USP47: variants seen among roughly 807,000 people sequenced by gnomAD.
USP47 encodes ubiquitin carboxyl-terminal hydrolase 47.
Under a neutral mutation model 165.1 loss-of-function variants are expected in USP47, and 35 were observed. The observed-to-expected ratio is 0.21, with a 90% CI of 0.16 to 0.28. The LOEUF (loss-of-function observed/expected upper bound fraction) is 0.28, where lower values mean the gene tolerates loss of function less well. Among genes scored for constraint, USP47 ranks in the 10% least tolerant of loss-of-function variants. The probability of loss-of-function intolerance (pLI) is 1.00; values close to 1 mark genes in which losing one functional copy is unlikely to be tolerated. For synonymous variants in USP47, 531 were observed against 544.5 expected, an observed-to-expected ratio of 0.98 and a Z score of 0.35; for missense variants, 1,277 against 1,607.4, an observed-to-expected ratio of 0.79 and a Z score of 3.52.
chr11:11,907,136 C>T (rs1042426052), intron 8 of USP47, among the ~76,000 whole-genome samples: 1 of 152,204 alleles, frequency 6.6e-6, no homozygotes, highest in Non-Finnish European at 1.5e-5. Flanking sequence ...TTTGCCACCA[C>T]TCTCTTAAGT....
At chr11:11,920,133 A>G in intron 8 of USP47, 23 bp from the exon 9 acceptor site, 1 of 1,538,898 alleles carries the variant, frequency 6.5e-7, no homozygotes, top group Middle Eastern at 1.7e-4. Flanking sequence ...AAGTAATTAT[A>G]AAACAAATTT....
At position 11,842,693 on chromosome 11, in the gene USP47, T is replaced by C. The variant is rs188718262; in HGVS notation, c.39+469T>C. ...AGATCTGTGGGAGGGCAGACTTAAC[T>C]GTTACGACTTTTTTCAACTCCTGTT... On this transcript the variant is annotated intron_variant, in intron 1 of 27. Coordinates refer to ENST00000527733, the MANE Select transcript of USP47 (RefSeq NM_001282659.2). Among the ~76,000 whole-genome samples, 425 of 152,314 alleles carry C rather than the reference T, an allele frequency of 2.8e-3. 2 individuals are homozygous for C. Among genetic ancestry groups the C allele is most frequent in the African/African-American group, 0.01 (416 of 41,562 alleles).
chr11:11,856,491 A>G (rs1022727791), intron 1 of USP47: 2 of 152,148 alleles, frequency 1.3e-5, no homozygotes, highest in South Asian at 4.1e-4. Flanking sequence ...TTTTCTACAT[A>G]TGAGTCTTTT....
At chr11:11,941,400 A>G (rs1026870911) in intron 19 of USP47, among the ~76,000 whole-genome samples, 3 of 152,086 alleles carry the variant, frequency 2.0e-5, no homozygotes, top group African/African-American at 7.2e-5. Flanking sequence ...TTTACTGAAT[A>G]GGATAATGAT....
At chr11:11,955,189 C>G in intron 27 of USP47, 25 bp downstream of exon 27, 3 of 1,603,006 alleles carry the variant, frequency 1.9e-6, no homozygotes, top group Non-Finnish European at 2.6e-6. Flanking sequence ...GTTTTTGTTG[C>G]TGTTAGTAAT....
At chr11:11,865,278 G>C (rs954800248) in intron 1 of USP47, among the ~76,000 whole-genome samples, 3 of 152,054 alleles carry the variant, frequency 2.0e-5, no homozygotes, top group African/African-American at 7.2e-5. Flanking sequence ...TCCCAGTTCT[G>C]AATGACATGA....
At chr11:11,842,792 T>C (rs1038826225) in intron 1 of USP47, among the ~76,000 whole-genome samples, 1 of 150,738 alleles carries the variant, frequency 6.6e-6, no homozygotes, top group Non-Finnish European at 1.5e-5. Flanking sequence ...GGGACATTAA[T>C]GTAAAGGAAG....
intron 5 of USP47, among the ~76,000 whole-genome samples, chr11:11,900,369 C>T (rs2134436287): frequency 6.6e-6 from 1 of 151,978 alleles, no homozygotes; most frequent in East Asian, 1.9e-4. Context: ...ACCGTGTTAG[C>T]CAGGATGGTC....
intron 8 of USP47, among the ~76,000 whole-genome samples, chr11:11,913,005 T>G (rs990057846): frequency 6.6e-6 from 1 of 152,046 alleles, no homozygotes; most frequent in East Asian, 1.9e-4. Flanking sequence ...TTTCCTCAAC[T>G]TGATTAAAAA....
At chr11:11,929,754 T>C (rs1854512863) in intron 12 of USP47, among the ~76,000 whole-genome samples, 189 bp downstream of exon 12, 1 of 152,192 alleles carries the variant, frequency 6.6e-6, no homozygotes, top group Non-Finnish European at 1.5e-5. Context: ...TGTTTTGCTT[T>C]GTTTTGTTTG....
At chr11:11,920,041 C>CATTCTACTTA (rs1300853088) in intron 8 of USP47, 115 bp from the exon 9 acceptor site, 1 of 720,224 alleles carries the variant, frequency 1.4e-6, no homozygotes, top group African/African-American at 1.9e-5. Flanking sequence ...TTTTGAGTTC[C>CATTCTACTTA]TAAATTTCTA....
intron 17 of USP47, 31 bp downstream of exon 17, chr11:11,936,541 C>T: frequency 6.8e-7 from 1 of 1,465,262 alleles, no homozygotes; most frequent in Non-Finnish European, 9.1e-7. Context: ...TTTAGTTGTT[C>T]TGTACTTAGA....
intron 3 of USP47, among the ~76,000 whole-genome samples, chr11:11,887,354 C>T: frequency 6.6e-6 from 1 of 152,054 alleles, no homozygotes; most frequent in Non-Finnish European, 1.5e-5. Flanking sequence ...CAAAGACACA[C>T]ATAGGCTCAA....
intron 1 of USP47, among the ~76,000 whole-genome samples, chr11:11,858,354 G>A (rs934993544): frequency 6.6e-5 from 10 of 152,060 alleles, no homozygotes; most frequent in Non-Finnish European, 1.3e-4. Flanking sequence ...AAGGACATAA[G>A]TGAGACTTTT....
chr11:11,923,022 C>G (rs1164787924), intron 11 of USP47, 131 bp downstream of exon 11: 78 of 362,222 alleles, frequency 2.2e-4, no homozygotes, highest in Non-Finnish European at 1.5e-4. Flanking sequence ...TAAGACTTCT[C>G]AAATATAGTT....
intron 5 of USP47, among the ~76,000 whole-genome samples, chr11:11,900,253 G>C (rs778033328): frequency 2.7e-5 from 4 of 150,542 alleles, no homozygotes; most frequent in Non-Finnish European, 5.9e-5. Context: ...CTGCCTCCTG[G>C]GGTTCATGTT....
chr11:11,952,045 A>G (rs1856260174), intron 24 of USP47: 1 of 152,222 alleles, frequency 6.6e-6, no homozygotes, highest in Admixed American at 6.5e-5. Flanking sequence ...TCATGTGATT[A>G]AATCCAAGAG....
intron 15 of USP47, 38 bp downstream of exon 15, chr11:11,933,154 AT>A (rs1278250464): frequency 6.4e-6 from 10 of 1,552,516 alleles, no homozygotes; most frequent in Non-Finnish European, 8.8e-6. Flanking sequence ...TGAAAGTGCT[AT>A]TTTTAAGCTC....
At position 11,874,849 on chromosome 11, in the gene USP47, G is replaced by A. The variant is rs150892969; in HGVS notation, c.40-5328G>A. ...GCTGGGTTTACAGGTGTGAGCCACC[G>A]TGCCTGGCAGCTGATACGTTTTATA... On this transcript the variant is annotated intron_variant, in intron 1 of 27. Transcript: ENST00000527733. Among the ~76,000 whole-genome samples, 1,477 of 152,208 alleles carry A rather than the reference G, an allele frequency of 9.7e-3. 17 individuals carry two copies. Among genetic ancestry groups the A allele is most frequent in the African/African-American group, 0.034 (1,401 of 41,536 alleles).
Sources: allele counts gnomAD v4.1 joint callset (sites outside exome capture counted in the v4.1 genomes callset), GRCh38; gene constraint gnomAD v4.1.1; transcripts MANE v1.5; gene names NCBI Gene and HGNC (gene_info 2026-07-23, HGNC 2026-07-21).